ADAM22: variants seen among roughly 807,000 people sequenced by gnomAD.
ADAM22 encodes disintegrin and metalloproteinase domain-containing protein 22.
A neutral mutation model predicts 144.6 loss-of-function variants in ADAM22; 65 were observed. The ratio of observed to expected loss-of-function variants is 0.45; its 90% CI spans 0.37 to 0.55. The LOEUF is 0.55. Ranked by LOEUF, ADAM22 falls within the 20% of genes least tolerant of loss-of-function variation. The pLI is 0.00. For missense variants in ADAM22, 974 were observed against 1,184.9 expected, an observed-to-expected ratio of 0.82 and a Z score of 2.61; for synonymous variants, 391 against 412.6, an observed-to-expected ratio of 0.95 and a Z score of 0.63.
At chr7:87,961,906 T>C (rs1387565612) in intron 2 of ADAM22, among the ~76,000 whole-genome samples, 1 of 152,216 alleles carries the variant, frequency 6.6e-6, no homozygotes, top group East Asian at 1.9e-4. Context: ...TTTTTCAAAA[T>C]GGTTTTGTGT....
At chr7:88,003,782 A>AG (rs1340349586) in intron 3 of ADAM22, among the ~76,000 whole-genome samples, 1 of 152,208 alleles carries the variant, frequency 6.6e-6, no homozygotes, top group East Asian at 1.9e-4. Flanking sequence ...TTCCTAAAAA[A>AG]AGTTTCTAAG....
At chr7:88,135,955 G>A in intron 13 of ADAM22, 25 bp from the exon 14 acceptor site, 2 of 1,599,698 alleles carry the variant, frequency 1.3e-6, no homozygotes, top group Non-Finnish European at 8.5e-7. Flanking sequence ...TTTATAACAA[G>A]GCATGTGTAT....
chr7:87,939,946 C>T (rs150185216), intron 2 of ADAM22, among the ~76,000 whole-genome samples: 247 of 152,186 alleles, frequency 1.6e-3, no homozygotes, highest in African/African-American at 5.7e-3. Context: ...GTAATCCCAG[C>T]ACTTTGGGAG....
At chr7:87,975,595 G>A (rs761203113) in intron 2 of ADAM22, among the ~76,000 whole-genome samples, 82 of 152,002 alleles carry the variant, frequency 5.4e-4, no homozygotes, top group Non-Finnish European at 1.2e-4. Flanking sequence ...TTTCTCATTG[G>A]GACATAACTG....
chr7:87,992,753 G>C (rs1437008347), intron 3 of ADAM22, among the ~76,000 whole-genome samples: 2 of 152,024 alleles, frequency 1.3e-5, no homozygotes, highest in African/African-American at 4.8e-5. Flanking sequence ...TCATGATCTC[G>C]TATAACTGTA....
At chr7:88,095,291 A>C (rs1820960594) in intron 4 of ADAM22, among the ~76,000 whole-genome samples, 1 of 152,198 alleles carries the variant, frequency 6.6e-6, no homozygotes, top group Non-Finnish European at 1.5e-5. Flanking sequence ...GGGAACTTGT[A>C]CTATATTCTC....
chr7:87,986,617 A>G (rs1054473163), intron 3 of ADAM22, among the ~76,000 whole-genome samples: 1 of 152,190 alleles, frequency 6.6e-6, no homozygotes, highest in African/African-American at 2.4e-5. Context: ...CTCTATTATA[A>G]GGATATATCC....
chr7:88,062,999 T>A (rs1380172635), intron 3 of ADAM22, among the ~76,000 whole-genome samples: 3 of 152,142 alleles, frequency 2.0e-5, no homozygotes, highest in Non-Finnish European at 2.9e-5. Flanking sequence ...TGATTACAGA[T>A]CACCATAACA....
At chr7:87,947,359 G>C (rs1843936279) in intron 2 of ADAM22, among the ~76,000 whole-genome samples, 2 of 152,056 alleles carry the variant, frequency 1.3e-5, no homozygotes, top group African/African-American at 2.4e-5. Context: ...CTTCTAACTT[G>C]GACAGATATT....
At chr7:87,996,025 G>T (rs1026244510) in intron 3 of ADAM22, among the ~76,000 whole-genome samples, 1 of 152,122 alleles carries the variant, frequency 6.6e-6, no homozygotes, top group Non-Finnish European at 1.5e-5. Context: ...TTGCACTCTT[G>T]ATCTGGAAAT....
At chr7:88,108,129 A>G (rs757195712) in intron 4 of ADAM22, 47 bp from the exon 5 acceptor site, 4 of 1,525,006 alleles carry the variant, frequency 2.6e-6, no homozygotes, top group South Asian at 2.3e-5. Flanking sequence ...GAAGCAGCTG[A>G]TTCTCCTTGT....
intron 14 of ADAM22, among the ~76,000 whole-genome samples, chr7:88,138,395 C>T (rs184403738): frequency 4.4e-4 from 67 of 152,262 alleles, no homozygotes; most frequent in African/African-American, 1.5e-3. Flanking sequence ...CCTTCAGATA[C>T]GTACAGCTGT....
At chr7:88,075,814 T>C in intron 4 of ADAM22, 122 bp downstream of exon 4, 1 of 810,842 alleles carries the variant, frequency 1.2e-6, no homozygotes, top group Non-Finnish European at 1.9e-6. Flanking sequence ...AAATACTTTA[T>C]AATTTGAAGT....
intron 3 of ADAM22, among the ~76,000 whole-genome samples, chr7:88,051,177 T>A (rs1355851148): frequency 1.3e-5 from 2 of 152,170 alleles, no homozygotes; most frequent in Non-Finnish European, 2.9e-5. Context: ...GAAATACCAT[T>A]TGACCCAGCC....
At chr7:87,936,856 TTA>T (rs35158571) in intron 2 of ADAM22, among the ~76,000 whole-genome samples, 6 of 148,832 alleles carry the variant, frequency 4.0e-5, no homozygotes, top group South Asian at 2.1e-4. Context: ...TGTATATATA[TTA>T]TATATATATA....
At chr7:88,193,361 C>T (rs1020853550) in intron 31 of ADAM22, 122 bp downstream of exon 31, 6 of 1,223,754 alleles carry the variant, frequency 4.9e-6, no homozygotes, top group Non-Finnish European at 6.6e-6. Flanking sequence ...AAAAATCAAA[C>T]TTGAAAATAA....
intron 27 of ADAM22, 28 bp from the exon 28 acceptor site, chr7:88,181,477 A>G (rs545620455): frequency 6.9e-6 from 11 of 1,593,218 alleles, no homozygotes; most frequent in African/African-American, 6.7e-5. Context: ...TACATTTTTG[A>G]ACAATTTATC....
intron 12 of ADAM22, among the ~76,000 whole-genome samples, chr7:88,133,616 G>T (rs1253147920): frequency 6.6e-6 from 1 of 151,980 alleles, no homozygotes; most frequent in East Asian, 1.9e-4. Context: ...ATTTTCCAGG[G>T]AATTGAATAA....
At chr7:88,161,371 A>G (rs895975762) in intron 22 of ADAM22, among the ~76,000 whole-genome samples, 2 of 152,248 alleles carry the variant, frequency 1.3e-5, no homozygotes, top group Non-Finnish European at 2.9e-5. Context: ...AAAACCCTGG[A>G]AGACAACTTA....
Sources: allele counts gnomAD v4.1 joint callset (sites outside exome capture counted in the v4.1 genomes callset), GRCh38; gene constraint gnomAD v4.1.1; transcripts MANE v1.5; gene names NCBI Gene and HGNC (gene_info 2026-07-23, HGNC 2026-07-21).